Variants in IL1RAPL1 observed in about 807,000 individuals in gnomAD.
IL1RAPL1 encodes the protein interleukin-1 receptor accessory protein-like 1.
A neutral mutation model predicts 48.4 loss-of-function variants in IL1RAPL1; 3 were observed. That is an observed-to-expected ratio of 0.06 (90% CI 0.03 to 0.16). The LOEUF (loss-of-function observed/expected upper bound fraction) is 0.16, where lower values mean the gene tolerates loss of function less well. Among genes scored for constraint, IL1RAPL1 ranks in the 10% least tolerant of loss-of-function variants. The probability of loss-of-function intolerance (pLI) is 1.00; values close to 1 mark genes in which losing one functional copy is unlikely to be tolerated. For synonymous variants in IL1RAPL1, 185 were observed against 187.7 expected (o/e 0.99, Z 0.12); for missense variants, 349 against 530.6 (o/e 0.66, Z 3.36).
chrX:28,675,760 G>A (rs1031467107), intron 1 of IL1RAPL1, among the ~76,000 whole-genome samples: 5 of 111,476 alleles, frequency 4.5e-5, no homozygotes, highest in Non-Finnish European at 9.4e-5. Flanking sequence ...AAGGAGACCT[G>A]CTCTTAGTAA....
chrX:29,771,986 TACTC>T (rs1401324195), intron 6 of IL1RAPL1, among the ~76,000 whole-genome samples: 19 of 110,641 alleles, frequency 1.7e-4, no homozygotes, highest in Non-Finnish European at 3.8e-5. Context: ...TCATGAGACT[TACTC>T]ACTATCACAA....
intron 2 of IL1RAPL1, among the ~76,000 whole-genome samples, chrX:29,205,533 C>T (rs1353048363): frequency 1.8e-5 from 2 of 110,176 alleles, no homozygotes; most frequent in Non-Finnish European, 3.8e-5. Context: ...ATTGACTCCA[C>T]CTCTTATCAA....
intron 5 of IL1RAPL1, among the ~76,000 whole-genome samples, chrX:29,538,018 C>T (rs1056939816): frequency 1.8e-5 from 2 of 110,931 alleles, no homozygotes; most frequent in Admixed American, 9.6e-5. Context: ...AACTATATTT[C>T]ATTCAGAATA....
At chrX:29,602,497 A>C (rs758826753) in intron 5 of IL1RAPL1, among the ~76,000 whole-genome samples, 1 of 112,490 alleles carries the variant, frequency 8.9e-6, no homozygotes, top group Non-Finnish European at 1.9e-5. Context: ...GTTTTTGTTT[A>C]TGTAAATATT....
At chrX:28,656,936 G>A (rs1934755642) in intron 1 of IL1RAPL1, among the ~76,000 whole-genome samples, 2 of 106,183 alleles carry the variant, frequency 1.9e-5, no homozygotes, top group African/African-American at 6.9e-5. Context: ...TGAGGCAGGA[G>A]AATGGCATGA....
chrX:29,282,632 G>A (rs910792537), intron 2 of IL1RAPL1, among the ~76,000 whole-genome samples: 20 of 111,985 alleles, frequency 1.8e-4, no homozygotes, highest in African/African-American at 5.8e-4. Flanking sequence ...TATTTTTACC[G>A]AGCAGGCAGA....
At chrX:29,176,745 T>G (rs1015891917) in intron 2 of IL1RAPL1, among the ~76,000 whole-genome samples, 1 of 110,825 alleles carries the variant, frequency 9.0e-6, no homozygotes, top group African/African-American at 3.3e-5. Flanking sequence ...TGAATGGGTA[T>G]TAGTTTGAAA....
chrX:29,639,545 GTTTTTTTT>G (rs10719537), intron 5 of IL1RAPL1, among the ~76,000 whole-genome samples: 1 of 76,667 alleles, frequency 1.3e-5, no homozygotes, highest in East Asian at 4.0e-4. Flanking sequence ...ATAATTAAAA[GTTTTTTTT>G]TTTTTTTTTT....
rs60539139 is a variant in IL1RAPL1, at chrX:29,230,504, C to CAAAA, written c.83-52406_83-52403dup. Among the ~76,000 whole-genome samples the CAAAA allele has an allele frequency of 6.6e-4, 11 of 16,587 alleles. 1 individual carries two copies. The highest frequency in any genetic ancestry group is 1.4e-3 in the African/African-American group (5 of 3,484). The allele number at this position is 16,587 out of a possible 115,157, so 14.4% of individuals were successfully genotyped here. ...TGCTCTATCATTATGGTCCCTTTAC[C>CAAAA]AAAAAAAAAAAAAAAAAAAAAAAAA... is the stretch of plus-strand genomic sequence containing the variant. On this transcript the variant is annotated intron_variant, in intron 2 of 10. Coordinates refer to ENST00000378993, the MANE Select transcript of IL1RAPL1 (RefSeq NM_014271.4).
intron 2 of IL1RAPL1, among the ~76,000 whole-genome samples, chrX:29,231,200 G>A (rs189981597): frequency 6.3e-3 from 696 of 111,186 alleles, no homozygotes; most frequent in Non-Finnish European, 9.8e-3. Flanking sequence ...ACCTGGCACA[G>A]TGTAGGTGGA....
intron 2 of IL1RAPL1, among the ~76,000 whole-genome samples, chrX:29,133,665 AATACAAT>A (rs1454763568): frequency 1.8e-5 from 2 of 111,753 alleles, no homozygotes; most frequent in Non-Finnish European, 3.8e-5. Context: ...GGACAGTTGT[AATACAAT>A]ATATTGACAT....
intron 6 of IL1RAPL1, among the ~76,000 whole-genome samples, chrX:29,837,272 A>AAAATAT (rs1447926305): frequency 1.1e-3 from 79 of 72,093 alleles, no homozygotes; most frequent in East Asian, 5.2e-3. Context: ...AAAAAAAAAA[A>AAAATAT]ATATATATAT....
chrX:29,145,176 A>G (rs1043768409), intron 2 of IL1RAPL1, among the ~76,000 whole-genome samples: 5 of 112,182 alleles, frequency 4.5e-5, no homozygotes, highest in Non-Finnish European at 7.5e-5. Context: ...AATTTTGTTC[A>G]TATCCTTTGG....
intron 5 of IL1RAPL1, among the ~76,000 whole-genome samples, chrX:29,617,701 G>C (rs1431334179): frequency 8.9e-6 from 1 of 111,986 alleles, no homozygotes; most frequent in Non-Finnish European, 1.9e-5. Flanking sequence ...AACAGACCAG[G>C]ATTCTCTATG....
At chrX:29,443,558 C>T (rs1376500095) in intron 5 of IL1RAPL1, among the ~76,000 whole-genome samples, 1 of 111,574 alleles carries the variant, frequency 9.0e-6, no homozygotes, top group Admixed American at 9.6e-5. Flanking sequence ...GTGTCACTGG[C>T]TTGTATATCG....
chrX:29,437,866 T>A lies in IL1RAPL1; in HGVS notation c.703+38558T>A, dbSNP rs7056098. On this transcript the variant is annotated intron_variant, in intron 5 of 10. Transcript: ENST00000378993. ...TGTGTTTCTGTCAATGAGGGGTGTT[T>A]GACGTCAGATTAATACTAGCTTCAT... Among the ~76,000 whole-genome samples, 512 of 110,682 alleles carry A rather than the reference T, an allele frequency of 4.6e-3. 4 individuals are homozygous for A. Among genetic ancestry groups the A allele is most frequent in the African/African-American group, 0.016 (481 of 30,626 alleles).
chrX:28,987,523 TAC>T (rs774101598), intron 2 of IL1RAPL1, among the ~76,000 whole-genome samples: 49 of 111,044 alleles, frequency 4.4e-4, no homozygotes, highest in African/African-American at 1.3e-3. Flanking sequence ...CACACACACA[TAC>T]ACACACACAC....
chrX:29,025,365 C>T (rs960224694), intron 2 of IL1RAPL1, among the ~76,000 whole-genome samples: 1 of 111,268 alleles, frequency 9.0e-6, no homozygotes, highest in Non-Finnish European at 1.9e-5. Flanking sequence ...CTTGGAGGAC[C>T]ACATAGCCTC....
intron 2 of IL1RAPL1, among the ~76,000 whole-genome samples, chrX:29,280,222 A>G (rs1175072393): frequency 8.9e-6 from 1 of 112,036 alleles, no homozygotes; most frequent in African/African-American, 3.2e-5. Flanking sequence ...TAACTTGGAC[A>G]TCTCTGTGTA....
Sources: gnomAD v4.1 joint callset for allele counts (sites outside exome capture counted in the v4.1 genomes callset) on GRCh38, gnomAD v4.1.1 for gene constraint, MANE v1.5 for transcripts, NCBI Gene and HGNC (gene_info 2026-07-23, HGNC 2026-07-21) for gene names.